FAT3: variants seen among roughly 807,000 people sequenced by gnomAD.
The protein encoded by FAT3 is FAT atypical cadherin 3, also known as protocadherin Fat 3.
A neutral mutation model predicts 310.2 loss-of-function variants in FAT3; 95 were observed. The ratio of observed to expected loss-of-function variants is 0.31; its 90% CI spans 0.26 to 0.36. The LOEUF is 0.36. FAT3 is among the 10% of genes least tolerant of loss of function. The pLI is 1.00. For synonymous variants in FAT3, 2,314 were observed against 2,192.9 expected (o/e 1.06, Z -1.54); for missense variants, 5,408 against 5,715.6 (o/e 0.95, Z 1.74).
chr11:92,854,160 C>G (rs1451834776), intron 19 of FAT3, among the ~76,000 whole-genome samples: 1 of 152,292 alleles, frequency 6.6e-6, no homozygotes, highest in African/African-American at 2.4e-5. Context: ...GTTAGCACCA[C>G]CCTGAATGCA....
At chr11:92,536,241 A>C (rs1053395918) in intron 3 of FAT3, among the ~76,000 whole-genome samples, 1 of 152,222 alleles carries the variant, frequency 6.6e-6, no homozygotes, top group African/African-American at 2.4e-5. Context: ...TAAAACCAAC[A>C]CATGTTGAGT....
intron 3 of FAT3, among the ~76,000 whole-genome samples, chr11:92,620,421 G>C (rs1048216841): frequency 5.9e-5 from 9 of 152,148 alleles, no homozygotes. Flanking sequence ...CTTTTGCATA[G>C]TTGTTCCATG....
chr11:92,381,534 C>T (rs1169722441), intron 2 of FAT3, among the ~76,000 whole-genome samples: 1 of 152,086 alleles, frequency 6.6e-6, no homozygotes, highest in East Asian at 1.9e-4. Flanking sequence ...TTTCACCACT[C>T]CTTCCATGTG....
chr11:92,532,095 G>A (rs936789675), intron 3 of FAT3, among the ~76,000 whole-genome samples: 1 of 152,078 alleles, frequency 6.6e-6, no homozygotes, highest in African/African-American at 2.4e-5. Flanking sequence ...TGAAATGACT[G>A]ACAATTGAGA....
intron 13 of FAT3, among the ~76,000 whole-genome samples, chr11:92,821,984 G>C (rs145713913): frequency 9.9e-5 from 15 of 152,234 alleles, no homozygotes; most frequent in Admixed American, 1.3e-4. Context: ...TCCAGAACCT[G>C]ATTTAGAAAG....
intron 1 of FAT3, chr11:92,314,427 G>A: frequency 3.2e-6 from 1 of 315,932 alleles, no homozygotes; most frequent in Non-Finnish European, 4.6e-6. Context: ...AGAAGGGAAA[G>A]AGAATTTTAA....
chr11:92,532,563 G>T (rs568325518), intron 3 of FAT3, among the ~76,000 whole-genome samples: 5 of 152,120 alleles, frequency 3.3e-5, no homozygotes, highest in African/African-American at 7.2e-5. Context: ...ATCCATTAGA[G>T]AAAAAATAAT....
At position 92,365,730 on chromosome 11, in the gene FAT3, G is replaced by A. The variant is rs187899504; in HGVS notation, c.3292+10326G>A. On this transcript the variant is annotated intron_variant, in intron 2 of 27. Transcript: ENST00000525166. ...AGACACACTTGGACAGGACCAAGAGGCATTTCACTGCCTTGAAACAAGGTG... is the reference window on the plus strand; with the variant it reads ...AGACACACTTGGACAGGACCAAGAGACATTTCACTGCCTTGAAACAAGGTG... Among the ~76,000 whole-genome samples the A allele has an allele frequency of 3.0e-3, 460 of 152,308 alleles. 2 individuals carry two copies. The highest frequency in any genetic ancestry group is 1.0e-2 in the African/African-American group (414 of 41,562).
chr11:92,884,364 C>T (rs1949751211), intron 24 of FAT3, among the ~76,000 whole-genome samples: 1 of 152,138 alleles, frequency 6.6e-6, no homozygotes, highest in Non-Finnish European at 1.5e-5. Flanking sequence ...AAGCAGAGGG[C>T]CAGTAAGGTA....
chr11:92,364,056 A>G (rs1038994587), intron 2 of FAT3, among the ~76,000 whole-genome samples: 1 of 151,996 alleles, frequency 6.6e-6, no homozygotes, highest in African/African-American at 2.4e-5. Context: ...TTATGTCTTC[A>G]TTGTGTATCA....
At chr11:92,320,452 G>T (rs914747251) in intron 1 of FAT3, among the ~76,000 whole-genome samples, 1 of 152,130 alleles carries the variant, frequency 6.6e-6, no homozygotes, top group Non-Finnish European at 1.5e-5. Flanking sequence ...AAAATTATAG[G>T]TAACAAGTTC....
chr11:92,809,742 C>T, intron 12 of FAT3, 101 bp from the exon 13 acceptor site: 1 of 850,034 alleles, frequency 1.2e-6, no homozygotes, highest in Non-Finnish European at 1.8e-6. Flanking sequence ...GATGTTAGTC[C>T]TTCCTATGTT....
At chr11:92,373,370 C>G (rs1330021625) in intron 2 of FAT3, among the ~76,000 whole-genome samples, 1 of 152,156 alleles carries the variant, frequency 6.6e-6, no homozygotes, top group African/African-American at 2.4e-5. Context: ...CCCAAGTCCA[C>G]AGAACTACTA....
intron 3 of FAT3, among the ~76,000 whole-genome samples, chr11:92,618,966 T>C (rs904778800): frequency 1.3e-5 from 2 of 152,322 alleles, no homozygotes; most frequent in Middle Eastern, 3.4e-3. Context: ...AAGTATAATT[T>C]AGCTGTGCGT....
chr11:92,244,941 C>G (rs1387697599), intron 1 of FAT3, among the ~76,000 whole-genome samples: 1 of 152,016 alleles, frequency 6.6e-6, no homozygotes, highest in Non-Finnish European at 1.5e-5. Context: ...GGTGATTCCT[C>G]AAGGATCTAG....
chr11:92,275,687 A>G (rs1449528789), intron 1 of FAT3, among the ~76,000 whole-genome samples: 1 of 152,168 alleles, frequency 6.6e-6, no homozygotes, highest in African/African-American at 2.4e-5. Flanking sequence ...TGTAACATGT[A>G]GCTACCAATT....
rs899917108 is a variant in FAT3, at chr11:92,229,501, T to G, written c.-18+4327T>G. 2.3e-4 allele frequency among the ~76,000 whole-genome samples: 17 copies of G among 75,292 alleles called. 2 individuals are homozygous for G. Among genetic ancestry groups the G allele is most frequent in the East Asian group, 4.7e-4 (1 of 2,126 alleles). The allele number at this position is 75,292 out of a possible 152,430, so 49.4% of individuals were successfully genotyped here. The stretch of plus-strand genomic sequence containing the variant: ...TTTTTTGTTTTTTCGTGTTTTTTTT[T>G]TTTTTGTTTTTTGTTTTTTTTTACA... On this transcript the variant is annotated intron_variant, in intron 1 of 27. Coordinates refer to ENST00000525166, the MANE Select transcript of FAT3 (RefSeq NM_001367949.2).
chr11:92,777,871 A>G (rs964557868), intron 7 of FAT3, among the ~76,000 whole-genome samples: 5 of 151,956 alleles, frequency 3.3e-5, no homozygotes, highest in African/African-American at 4.8e-5. Context: ...TACTGCTGCT[A>G]TTATTATTAT....
chr11:92,839,112 C>T (rs1375240109), intron 17 of FAT3, among the ~76,000 whole-genome samples: 2 of 152,220 alleles, frequency 1.3e-5, no homozygotes, highest in Non-Finnish European at 2.9e-5. Context: ...AAGTGGGTTT[C>T]TCCTACTCAA....
Sources: allele counts gnomAD v4.1 joint callset (sites outside exome capture counted in the v4.1 genomes callset), GRCh38; gene constraint gnomAD v4.1.1; transcripts MANE v1.5; gene names NCBI Gene and HGNC (gene_info 2026-07-23, HGNC 2026-07-21).